Variants in MAGI2 observed in about 807,000 individuals in gnomAD.
The protein encoded by MAGI2 is membrane-associated guanylate kinase, WW and PDZ domain-containing protein 2.
In MAGI2, 35 loss-of-function variants were observed where a neutral mutation model predicts 133.3. The observed-to-expected ratio is 0.26, with a 90% CI of 0.20 to 0.35. MAGI2 has a LOEUF of 0.35. MAGI2 is among the 10% of genes least tolerant of loss of function. The pLI is 1.00. For missense variants in MAGI2, 1,636 were observed against 1,863.4 expected (o/e 0.88, Z 2.25); for synonymous variants, 729 against 710.6 (o/e 1.03, Z -0.41).
In MAGI2 at chr7:78,595,961, T is replaced by C. The variant is rs112311396; in HGVS notation, c.538+31159A>G. ...CAGCTCTCTTTTGGTAGATTTTGAA[T>C]AGAGATCAAAAGAAATATGCATGAA... is the stretch of plus-strand genomic sequence containing the variant. On this transcript the variant is annotated intron_variant, in intron 3 of 21. Transcript: ENST00000354212. Among the ~76,000 whole-genome samples, 128 of 152,224 alleles carry C rather than the reference T, an allele frequency of 8.4e-4. 3 individuals carry two copies. Among genetic ancestry groups the C allele is most frequent in the African/African-American group, 3.0e-3 (123 of 41,538 alleles).
chr7:78,926,382 T>G (rs1345278325), intron 2 of MAGI2, among the ~76,000 whole-genome samples: 1 of 152,012 alleles, frequency 6.6e-6, no homozygotes, highest in Non-Finnish European at 1.5e-5. Context: ...TTCAAAGAAT[T>G]CTTTCTAAAC....
intron 2 of MAGI2, among the ~76,000 whole-genome samples, chr7:78,874,108 G>C (rs1272393823): frequency 6.6e-6 from 1 of 152,000 alleles, no homozygotes; most frequent in Non-Finnish European, 1.5e-5. Context: ...ATTCATAGCA[G>C]CAATAACCAT....
chr7:78,386,343 C>T (rs748698409), intron 6 of MAGI2, among the ~76,000 whole-genome samples: 111 of 152,008 alleles, frequency 7.3e-4, no homozygotes, highest in African/African-American at 2.3e-3. Context: ...TAGAAGGAAA[C>T]GAAGGAACAT....
intron 2 of MAGI2, among the ~76,000 whole-genome samples, chr7:78,787,405 T>A (rs1434893053): frequency 6.6e-6 from 1 of 152,126 alleles, no homozygotes; most frequent in Non-Finnish European, 1.5e-5. Flanking sequence ...TCTCATTAAG[T>A]TATCTCAGGG....
intron 9 of MAGI2, among the ~76,000 whole-genome samples, chr7:78,312,625 A>G (rs1442417178): frequency 1.3e-5 from 2 of 152,188 alleles, no homozygotes; most frequent in Non-Finnish European, 2.9e-5. Flanking sequence ...CAATGTCACT[A>G]ATAATCAGGG....
At chr7:78,194,489 T>C (rs897724372) in intron 12 of MAGI2, among the ~76,000 whole-genome samples, 4 of 152,096 alleles carry the variant, frequency 2.6e-5, no homozygotes, top group African/African-American at 7.2e-5. Context: ...AATGGCTATA[T>C]TCAAGGCTCT....
chr7:78,868,559 C>T (rs569117086), intron 2 of MAGI2, among the ~76,000 whole-genome samples: 8 of 152,150 alleles, frequency 5.3e-5, no homozygotes, highest in Non-Finnish European at 1.0e-4. Context: ...TAATATAAAA[C>T]CTTTTAAAGG....
chr7:78,564,875 G>A (rs1800780261), intron 3 of MAGI2, among the ~76,000 whole-genome samples: 1 of 124,542 alleles, frequency 8.0e-6, no homozygotes, highest in African/African-American at 3.0e-5. Flanking sequence ...CTCACTGCAA[G>A]CTCCGCCTCC....
chr7:78,702,060 C>G (rs1818130871), intron 2 of MAGI2, among the ~76,000 whole-genome samples: 1 of 151,956 alleles, frequency 6.6e-6, no homozygotes, highest in Non-Finnish European at 1.5e-5. Flanking sequence ...GGAGAGTGAT[C>G]TGAACACAAA....
At chr7:78,888,979 GA>G (rs2151563244) in intron 2 of MAGI2, among the ~76,000 whole-genome samples, 1 of 151,922 alleles carries the variant, frequency 6.6e-6, no homozygotes. Context: ...TAAAAACCTT[GA>G]AAAAAAATTA....
intron 1 of MAGI2, among the ~76,000 whole-genome samples, chr7:79,156,069 A>G (rs1823749965): frequency 6.6e-6 from 1 of 152,048 alleles, no homozygotes. Flanking sequence ...AATGGGGACT[A>G]AGCTCTGATT....
chr7:79,222,417 T>C lies in MAGI2; in HGVS notation c.302-215211A>G, dbSNP rs991317883. 1.9e-4 allele frequency among the ~76,000 whole-genome samples: 29 copies of C among 152,068 alleles called. 1 individual carries two copies. The highest frequency in any genetic ancestry group is 6.8e-4 in the African/African-American group (28 of 41,352). ...GAAAATAGAGAATTATTGAATCATC[T>C]AGTTGGATGGACCTAGGACCAAGGA... On this transcript the variant is annotated intron_variant, in intron 1 of 21. Coordinates refer to ENST00000354212, the MANE Select transcript of MAGI2 (RefSeq NM_012301.4).
intron 2 of MAGI2, among the ~76,000 whole-genome samples, chr7:78,872,483 G>C (rs899252676): frequency 2.0e-5 from 3 of 152,030 alleles, no homozygotes; most frequent in African/African-American, 7.2e-5. Flanking sequence ...TCTTAAGTTA[G>C]TAATTAAAAC....
intron 7 of MAGI2, among the ~76,000 whole-genome samples, chr7:78,356,764 C>T (rs1792125483): frequency 6.6e-6 from 1 of 152,194 alleles, no homozygotes; most frequent in Admixed American, 6.5e-5. Context: ...GCTATATTCA[C>T]CACCAAACCT....
intron 1 of MAGI2, among the ~76,000 whole-genome samples, chr7:79,224,678 C>T (rs1443617013): frequency 6.6e-6 from 1 of 152,118 alleles, no homozygotes; most frequent in African/African-American, 2.4e-5. Context: ...ACATGGGTGA[C>T]TCTCATATGC....
At chr7:79,094,017 G>C (rs755309612) in intron 1 of MAGI2, among the ~76,000 whole-genome samples, 9 of 151,990 alleles carry the variant, frequency 5.9e-5, no homozygotes, top group Non-Finnish European at 1.2e-4. Context: ...ACCTGGCCCA[G>C]CAATTTCTTA....
intron 13 of MAGI2, among the ~76,000 whole-genome samples, chr7:78,183,794 C>T (rs1827424364): frequency 6.6e-6 from 1 of 152,068 alleles, no homozygotes; most frequent in South Asian, 2.1e-4. Context: ...TTTTGAACTC[C>T]TGGGCTCAAG....
At chr7:78,361,749 G>T (rs971669558) in intron 7 of MAGI2, among the ~76,000 whole-genome samples, 1 of 152,138 alleles carries the variant, frequency 6.6e-6, no homozygotes, top group Non-Finnish European at 1.5e-5. Context: ...TGTAAGAGTC[G>T]CTAATAAAAG....
intron 3 of MAGI2, among the ~76,000 whole-genome samples, chr7:78,561,175 C>A (rs1439933843): frequency 6.6e-6 from 1 of 152,050 alleles, no homozygotes; most frequent in Non-Finnish European, 1.5e-5. Context: ...TAGGAAGATA[C>A]TGAGATCAAG....
Sources: gnomAD v4.1 joint callset for allele counts (sites outside exome capture counted in the v4.1 genomes callset) on GRCh38, gnomAD v4.1.1 for gene constraint, MANE v1.5 for transcripts, NCBI Gene and HGNC (gene_info 2026-07-23, HGNC 2026-07-21) for gene names.